LAMB4: variants seen among roughly 807,000 people sequenced by gnomAD.
LAMB4 encodes laminin subunit beta-4.
In LAMB4, 196 loss-of-function variants were observed where a neutral mutation model predicts 199.2. The ratio of observed to expected loss-of-function variants is 0.98; its 90% CI spans 0.88 to 1.11. The LOEUF is 1.11. Among genes scored for constraint, LAMB4 ranks in the 50% least tolerant of loss-of-function variants. The probability of loss-of-function intolerance (pLI) is 0.00; values close to 1 mark genes in which losing one functional copy is unlikely to be tolerated. For synonymous variants in LAMB4, 744 were observed against 770.6 expected (o/e 0.97, Z 0.57); for missense variants, 2,080 against 2,171.2 (o/e 0.96, Z 0.83).
chr7:108,093,199 T>C (rs1350383948), intron 12 of LAMB4, among the ~76,000 whole-genome samples: 1 of 152,182 alleles, frequency 6.6e-6, no homozygotes, highest in Admixed American at 6.5e-5. Context: ...CCCGAGTAGC[T>C]GGGATTACAG....
chr7:108,125,623 A>G (rs2038752546), intron 1 of LAMB4, among the ~76,000 whole-genome samples: 1 of 152,208 alleles, frequency 6.6e-6, no homozygotes. Flanking sequence ...TTCACAGGGC[A>G]GAGTCCAAAG....
intron 1 of LAMB4, among the ~76,000 whole-genome samples, chr7:108,127,811 C>A (rs1455575702): frequency 6.6e-6 from 1 of 152,196 alleles, no homozygotes; most frequent in African/African-American, 2.4e-5. Flanking sequence ...TAAGACTCTG[C>A]AGGCTGTCGT....
intron 25 of LAMB4, among the ~76,000 whole-genome samples, chr7:108,053,807 G>A (rs979301794): frequency 3.9e-5 from 6 of 152,178 alleles, no homozygotes. Context: ...TTTTCCTAAT[G>A]GTGTCTAACC....
intron 18 of LAMB4, among the ~76,000 whole-genome samples, 194 bp downstream of exon 18, chr7:108,069,514 G>C (rs777211000): frequency 6.6e-6 from 1 of 152,190 alleles, no homozygotes; most frequent in Non-Finnish European, 1.5e-5. Context: ...CTGCTGCAAA[G>C]TTCCTCTTTT....
chr7:108,084,370 G>A (rs1263565794), intron 14 of LAMB4, among the ~76,000 whole-genome samples: 3 of 152,100 alleles, frequency 2.0e-5, no homozygotes, highest in Non-Finnish European at 4.4e-5. Context: ...GGTTACCTAG[G>A]AGCACCCCCA....
chr7:108,057,830 A>T lies in LAMB4; in HGVS notation c.3379+2T>A, dbSNP rs1235179644. 1 of 1,598,002 alleles carries T rather than the reference A, an allele frequency of 6.3e-7. No individual in the cohort carries two copies. Among genetic ancestry groups the T allele is most frequent in the South Asian group, 1.1e-5 (1 of 90,728 alleles). On this transcript the variant is annotated splice_donor_variant, in intron 24 of 33. Coordinates refer to ENST00000388781, the MANE Select transcript of LAMB4 (RefSeq NM_007356.3). LOFTEE classifies it high-confidence loss of function. ...TGAGTTTTTAGAAATCCCAATACTT[A>T]CGAATGCATCGCCCAGGTGGATCAC...
intron 2 of LAMB4, among the ~76,000 whole-genome samples, chr7:108,119,503 C>T (rs117050638): frequency 0.011 from 1,744 of 152,106 alleles, 18 homozygotes; most frequent in Middle Eastern, 0.027. Context: ...AGGAATTGTG[C>T]GGAGTGAAAA....
downstream of LAMB4, among the ~76,000 whole-genome samples, chr7:108,018,781 T>A (rs1378944296): frequency 1.3e-5 from 2 of 152,164 alleles, no homozygotes; most frequent in Non-Finnish European, 2.9e-5. Context: ...GCTTTACCCC[T>A]CAAACCAAGG....
chr7:108,058,054 T>C, intron 23 of LAMB4, 126 bp from the exon 24 acceptor site: 4 of 674,188 alleles, frequency 5.9e-6, no homozygotes, highest in Non-Finnish European at 1.1e-5. Flanking sequence ...GGAGGAAGGA[T>C]GATTCCCATG....
intron 17 of LAMB4, among the ~76,000 whole-genome samples, chr7:108,073,951 C>T (rs538133790): frequency 1.4e-4 from 21 of 152,068 alleles, no homozygotes; most frequent in Admixed American, 2.6e-4. Flanking sequence ...CACAGTGGGG[C>T]GGGTGGTGGT....
intron 14 of LAMB4, among the ~76,000 whole-genome samples, chr7:108,084,041 A>C (rs1182818636): frequency 6.6e-6 from 1 of 152,246 alleles, no homozygotes; most frequent in Non-Finnish European, 1.5e-5. Flanking sequence ...CCACTGGGGC[A>C]CATTTAGTGC....
chr7:108,101,814 A>C (rs975228868), intron 10 of LAMB4, among the ~76,000 whole-genome samples: 1 of 152,204 alleles, frequency 6.6e-6, no homozygotes, highest in Non-Finnish European at 1.5e-5. Context: ...ACATTTTGGA[A>C]CTTAAGTGCC....
At chr7:108,066,241 TC>T (rs2036335905) in intron 20 of LAMB4, 127 bp downstream of exon 20, 6 of 716,048 alleles carry the variant, frequency 8.4e-6, no homozygotes, top group Admixed American at 5.6e-5. Flanking sequence ...AGCAATGCTC[TC>T]CCCGACCTAT....
At chr7:108,053,281 A>G (rs1349976944) in intron 25 of LAMB4, among the ~76,000 whole-genome samples, 7 of 152,178 alleles carry the variant, frequency 4.6e-5, no homozygotes, top group Admixed American at 4.6e-4. Context: ...ACATTTAGTA[A>G]GTGGATTTAA....
chr7:108,090,205 G>A (rs446566), intron 14 of LAMB4, among the ~76,000 whole-genome samples: 44,788 of 152,022 alleles, frequency 0.29, 7,900 homozygotes, highest in East Asian at 0.44. Flanking sequence ...AGCATAGCAA[G>A]CATACCATGA....
At chr7:108,117,178 T>TA (rs2038437069) in intron 2 of LAMB4, among the ~76,000 whole-genome samples, 2 of 152,218 alleles carry the variant, frequency 1.3e-5, no homozygotes, top group African/African-American at 4.8e-5. Context: ...TTTCATAAAT[T>TA]ACCTATATAG....
chr7:108,062,954 A>G lies in LAMB4; in HGVS notation c.3102T>C (p.Cys1034=). The G allele has an allele frequency of 6.2e-7, 1 of 1,603,552 alleles. No homozygotes were observed. The change falls in exon 23 of 34, where the codon TGT becomes TGC. Residue 1034 remains cysteine, a synonymous_variant. Coordinates refer to ENST00000388781, the MANE Select transcript of LAMB4 (RefSeq NM_007356.3). Reference sequence around the variant, plus strand: ...AGAGGCAAGCTCCCCCACCAGGGGGACACTCCATGGGACTCACGCCGGAAG... The same window carrying G: ...AGAGGCAAGCTCCCCCACCAGGGGGGCACTCCATGGGACTCACGCCGGAAG... ...CHASGVSPME[C]PPGGGACLCD...
intron 31 of LAMB4, 94 bp downstream of exon 31, chr7:108,034,114 C>A (rs902522734): frequency 8.3e-7 from 1 of 1,203,540 alleles, no homozygotes; most frequent in Non-Finnish European, 1.2e-6. Context: ...CCATCAGACT[C>A]GTAAAGCAAG....
At chr7:108,011,994 T>C in the LAMB4 span, among the ~76,000 whole-genome samples, 1 of 151,750 alleles carries the variant, frequency 6.6e-6, no homozygotes, top group Non-Finnish European at 1.5e-5. Flanking sequence ...TAAAACCATA[T>C]GAATAAAGTT....
Sources: allele counts gnomAD v4.1 joint callset (sites outside exome capture counted in the v4.1 genomes callset), GRCh38; gene constraint gnomAD v4.1.1; transcripts MANE v1.5; gene names NCBI Gene and HGNC (gene_info 2026-07-23, HGNC 2026-07-21).